The following SV2C variants were observed in gnomAD, a reference collection of about 807,000 sequenced individuals.
SV2C encodes the protein synaptic vesicle glycoprotein 2C.
A neutral mutation model predicts 79.7 loss-of-function variants in SV2C; 49 were observed. That is an observed-to-expected ratio of 0.61 (90% CI 0.49 to 0.78). The LOEUF is 0.78. SV2C is among the 30% of genes least tolerant of loss of function. The pLI, the probability that SV2C is intolerant of heterozygous loss-of-function variation, is 0.00. For missense variants in SV2C, 833 were observed against 912.9 expected, an observed-to-expected ratio of 0.91 and a Z score of 1.13; for synonymous variants, 334 against 333.2, an observed-to-expected ratio of 1.00 and a Z score of -0.03.
the SV2C span, among the ~76,000 whole-genome samples, chr5:76,006,874 A>C: frequency 1.3e-5 from 2 of 152,088 alleles, no homozygotes. Flanking sequence ...ATTCCTATCT[A>C]TCCAAATTTC....
At chr5:76,112,451 T>TGGCGAGACCAGAGAGGAGGCA (rs1748123805) in intron 1 of SV2C, among the ~76,000 whole-genome samples, 1 of 152,152 alleles carries the variant, frequency 6.6e-6, no homozygotes, top group Non-Finnish European at 1.5e-5. Flanking sequence ...CCAGTCTGGC[T>TGGCGAGACCAGAGAGGAGGCA]GGCGAGACCA....
chr5:76,061,268 T>TAAAAAAAAAAA, the SV2C span, among the ~76,000 whole-genome samples: 59 of 51,596 alleles, frequency 1.1e-3, no homozygotes, highest in African/African-American at 1.9e-3. Flanking sequence ...CTTCAATTTG[T>TAAAAAAAAAAA]AAAAAAAAAA....
At chr5:76,283,853 G>A (rs1747267643) in intron 4 of SV2C, among the ~76,000 whole-genome samples, 1 of 152,132 alleles carries the variant, frequency 6.6e-6, no homozygotes, top group Admixed American at 6.5e-5. Context: ...CTCAAGTCCT[G>A]GCAGGAAAGA....
intron 2 of SV2C, among the ~76,000 whole-genome samples, chr5:76,181,645 C>T (rs1009725219): frequency 3.3e-5 from 5 of 151,674 alleles, no homozygotes; most frequent in African/African-American, 1.2e-4. Context: ...CATCAGATCT[C>T]GTGAGAACTC....
chr5:76,028,064 A>T, the SV2C span, among the ~76,000 whole-genome samples: 1 of 152,098 alleles, frequency 6.6e-6, no homozygotes, highest in East Asian at 1.9e-4. Context: ...TATCCTGCAA[A>T]ATGTGGGCGC....
chr5:76,069,230 GAATC>G, the SV2C span, among the ~76,000 whole-genome samples: 1 of 152,186 alleles, frequency 6.6e-6, no homozygotes, highest in Non-Finnish European at 1.5e-5. Context: ...TATGCTTTGA[GAATC>G]AATCAAGGAG....
chr5:76,198,448 C>A (rs1744338164), intron 3 of SV2C, among the ~76,000 whole-genome samples: 2 of 152,286 alleles, frequency 1.3e-5, no homozygotes, highest in East Asian at 1.9e-4. Flanking sequence ...TGCCCTCTCT[C>A]CTGAGTGGAA....
the SV2C span, among the ~76,000 whole-genome samples, chr5:76,078,357 G>C: frequency 3.2e-4 from 49 of 152,300 alleles, no homozygotes; most frequent in African/African-American, 1.2e-3. Flanking sequence ...GCTAACAGTG[G>C]ACTTTGAAGT....
chr5:76,179,604 A>G (rs1743657163), intron 2 of SV2C, among the ~76,000 whole-genome samples: 1 of 152,226 alleles, frequency 6.6e-6, no homozygotes, highest in Non-Finnish European at 1.5e-5. Flanking sequence ...AATGCCGAAG[A>G]GTGCTTCTGA....
At chr5:76,134,043 C>T (rs16873224) in intron 2 of SV2C, among the ~76,000 whole-genome samples, 1,544 of 152,184 alleles carry the variant, frequency 0.01, 11 homozygotes, top group African/African-American at 0.021. Flanking sequence ...CTTTATCTTC[C>T]TGGTGCTGTA....
the SV2C span, among the ~76,000 whole-genome samples, chr5:76,063,411 T>C: frequency 9.3e-4 from 142 of 152,276 alleles, no homozygotes; most frequent in African/African-American, 3.2e-3. Flanking sequence ...ACATACACTG[T>C]GCTGCAGCTA....
the SV2C span, among the ~76,000 whole-genome samples, chr5:75,861,268 T>C: frequency 1.3e-5 from 2 of 152,094 alleles, no homozygotes; most frequent in Admixed American, 1.3e-4. Context: ...ATAAACACTA[T>C]AATATACTAT....
At chr5:76,322,342 A>G (rs917680714) in intron 12 of SV2C, among the ~76,000 whole-genome samples, 4 of 152,158 alleles carry the variant, frequency 2.6e-5, no homozygotes, top group African/African-American at 4.8e-5. Flanking sequence ...CTGTGAAGGA[A>G]CTCTTCAAGG....
chr5:76,226,017 T>G (rs1231937050), intron 4 of SV2C, among the ~76,000 whole-genome samples: 2 of 152,240 alleles, frequency 1.3e-5, no homozygotes, highest in East Asian at 3.8e-4. Context: ...AAATCCTTGC[T>G]TCTCATCTTG....
chr5:76,249,817 C>A (rs1309382472), intron 4 of SV2C, among the ~76,000 whole-genome samples: 1 of 152,008 alleles, frequency 6.6e-6, no homozygotes, highest in Admixed American at 6.6e-5. Flanking sequence ...CAGCACTGAG[C>A]GAGACCCAAT....
chr5:76,053,683 C>T, the SV2C span, among the ~76,000 whole-genome samples: 1 of 152,136 alleles, frequency 6.6e-6, no homozygotes, highest in Non-Finnish European at 1.5e-5. Flanking sequence ...TTTTAGGCAA[C>T]TCAATTGTGC....
chr5:75,905,990 T>C, the SV2C span, among the ~76,000 whole-genome samples: 10 of 148,918 alleles, frequency 6.7e-5, no homozygotes, highest in South Asian at 2.2e-3. Context: ...GAGAGGACTC[T>C]CATACACAGA....
chr5:75,984,582 T>TCTAC, the SV2C span, among the ~76,000 whole-genome samples: 21 of 123,180 alleles, frequency 1.7e-4, no homozygotes, highest in African/African-American at 4.9e-4. Flanking sequence ...TATCTATCTA[T>TCTAC]CTATCTATCT....
the SV2C span, among the ~76,000 whole-genome samples, chr5:75,957,984 G>A: frequency 6.6e-6 from 1 of 152,080 alleles, no homozygotes; most frequent in East Asian, 1.9e-4. Flanking sequence ...AAGGCTACCA[G>A]TTTTCAGTGG....
Sources: gnomAD v4.1 joint callset for allele counts (sites outside exome capture counted in the v4.1 genomes callset) on GRCh38, gnomAD v4.1.1 for gene constraint, MANE v1.5 for transcripts, NCBI Gene and HGNC (gene_info 2026-07-23, HGNC 2026-07-21) for gene names.